FBXL3: variants seen among roughly 807,000 people sequenced by gnomAD.
The protein encoded by FBXL3 is F-box and leucine rich repeat protein 3.
Under a neutral mutation model 37.9 loss-of-function variants are expected in FBXL3, and 14 were observed. That is an observed-to-expected ratio of 0.37 (90% CI 0.24 to 0.58). FBXL3 has a LOEUF of 0.58. FBXL3 is among the 20% of genes least tolerant of loss of function. The probability of loss-of-function intolerance (pLI) is 0.74; values close to 1 mark genes in which losing one functional copy is unlikely to be tolerated. For synonymous variants in FBXL3, 194 were observed against 180.1 expected, an observed-to-expected ratio of 1.08 and a Z score of -0.62; for missense variants, 327 against 511.1, an observed-to-expected ratio of 0.64 and a Z score of 3.47.
At chr13:77,023,381 A>G (rs112871604) in intron 1 of FBXL3, among the ~76,000 whole-genome samples, 1,945 of 151,378 alleles carry the variant, frequency 0.013, 32 homozygotes, top group Admixed American at 0.046. Flanking sequence ...TGTCAGAGAG[A>G]CAGGGCAAGT....
rs753161646 is a variant in FBXL3, at chr13:77,018,739, C to G, written c.349-17G>C. ...GCTGTCCACCTTAGAAAAGAAACAC[C>G]GTTTACTCATGAATATTTTATTATT... On this transcript the variant is annotated splice_polypyrimidine_tract_variant and intron_variant, in intron 2 of 4. Coordinates refer to ENST00000355619, the MANE Select transcript of FBXL3 (RefSeq NM_012158.4). 1.3e-6 allele frequency: 2 copies of G among 1,526,280 alleles called. No homozygotes were observed. The highest frequency in any genetic ancestry group is 4.6e-5 in the Admixed American group (2 of 43,278). 94.5% of individuals were successfully genotyped at this position (1,526,280 alleles called of 1,614,324 possible).
chr13:77,018,812 T>C, intron 2 of FBXL3, 90 bp from the exon 3 acceptor site: 1 of 1,053,296 alleles, frequency 9.5e-7, no homozygotes, highest in East Asian at 2.7e-5. Context: ...TACTCATGTA[T>C]ATATTTATAT....
intron 2 of FBXL3, 85 bp from the exon 3 acceptor site, chr13:77,018,807 A>T (rs1403704804): frequency 5.4e-6 from 6 of 1,109,154 alleles, no homozygotes; most frequent in Non-Finnish European, 7.4e-6. Context: ...AAGATTACTC[A>T]TGTATATATT....
Position 77,006,952 on chromosome 13 carries a change from A to G in FBXL3, c.*193T>C, listed in dbSNP as rs2034462134. Reference sequence around the variant, plus strand: ...AATTCGGAGATATGACTGCTATTACACTAAGGAAACAAGTGGAATTTTCTG... The same window carrying G: ...AATTCGGAGATATGACTGCTATTACGCTAAGGAAACAAGTGGAATTTTCTG... On this transcript the variant is annotated 3_prime_UTR_variant, in exon 5 of 5. Transcript: ENST00000355619. The G allele has an allele frequency of 2.1e-6, 3 of 1,405,710 alleles. No homozygotes were observed. The highest frequency in any genetic ancestry group is 2.8e-6 in the Non-Finnish European group (3 of 1,084,690). 87.1% of individuals were successfully genotyped at this position (1,405,710 alleles called of 1,614,324 possible). A position where few individuals can be genotyped will look rare whatever the true frequency, so the allele number is the denominator to read the frequency against.
chr13:77,022,190 T>C (rs1477402762), intron 1 of FBXL3, among the ~76,000 whole-genome samples: 1 of 152,180 alleles, frequency 6.6e-6, no homozygotes, highest in Admixed American at 6.6e-5. Context: ...TCAACTTAAC[T>C]AAAATGAATA....
chr13:77,024,485 G>C (rs2034803027), intron 1 of FBXL3, among the ~76,000 whole-genome samples: 1 of 152,140 alleles, frequency 6.6e-6, no homozygotes, highest in Non-Finnish European at 1.5e-5. Context: ...ACAACTTAAA[G>C]ACGGAATGAT....
At chr13:77,020,555 G>A (rs1383477955) in intron 2 of FBXL3, among the ~76,000 whole-genome samples, 2 of 151,076 alleles carry the variant, frequency 1.3e-5, no homozygotes, top group East Asian at 4.0e-4. Flanking sequence ...GGTTTAGCCT[G>A]GACTATTCAG....
chr13:77,008,167 G>A (rs918765351), intron 4 of FBXL3, among the ~76,000 whole-genome samples: 2 of 152,056 alleles, frequency 1.3e-5, no homozygotes, highest in African/African-American at 4.8e-5. Flanking sequence ...CTGTGACGGA[G>A]GCCAAAGGAC....
At chr13:77,011,592 G>A (rs989412390) in intron 4 of FBXL3, among the ~76,000 whole-genome samples, 3 of 151,854 alleles carry the variant, frequency 2.0e-5, no homozygotes, top group East Asian at 1.9e-4. Context: ...GCATAATGGC[G>A]TATGCCTGTG....
At chr13:77,017,294 T>C (rs1468089782) in intron 3 of FBXL3, 1 of 152,222 alleles carries the variant, frequency 6.6e-6, no homozygotes, top group Non-Finnish European at 1.5e-5. Context: ...AATTAAATTA[T>C]GTTCAACATA....
Position 77,021,728 on chromosome 13 carries a change from G to A in FBXL3, c.133C>T (p.Leu45Phe). 6.2e-7 allele frequency: 1 copy of A among 1,613,878 alleles called. No individual in the cohort carries two copies. Among genetic ancestry groups the A allele is most frequent in the Non-Finnish European group, 8.5e-7 (1 of 1,180,020 alleles). Residue 45 changes from leucine to phenylalanine, a missense_variant, in exon 2 of 5, where the codon CTC becomes TTC. Transcript: ENST00000355619. ...AGAGGCAAATATTTAAATACTTGGA[G>A]AATAATGTCCTGAAGGAGATTACCC... ...DWGNLLQDII[L>F]QVFKYLPLLD...
intron 3 of FBXL3, 83 bp from the exon 4 acceptor site, chr13:77,015,663 C>A (rs1348978855): frequency 2.3e-6 from 2 of 876,312 alleles, no homozygotes; most frequent in Non-Finnish European, 3.2e-6. Flanking sequence ...TACAGTTTAT[C>A]TGAACCATAA....
At chr13:77,010,445 T>C (rs1025432831) in intron 4 of FBXL3, 3 of 152,132 alleles carry the variant, frequency 2.0e-5, no homozygotes, top group Admixed American at 6.5e-5. Context: ...GATTATGATA[T>C]ATGGTACAGC....
At chr13:77,017,316 G>C (rs906794942) in intron 3 of FBXL3, 2 of 152,020 alleles carry the variant, frequency 1.3e-5, no homozygotes, top group Admixed American at 6.6e-5. Flanking sequence ...CCTTTAATAT[G>C]GTATACATAC....
chr13:77,007,972 T>C (rs539173516), intron 4 of FBXL3, among the ~76,000 whole-genome samples, 184 bp from the exon 5 acceptor site: 2 of 152,338 alleles, frequency 1.3e-5, no homozygotes, highest in South Asian at 4.1e-4. Context: ...ACTAATTTTG[T>C]CTACAAGAAA....
At position 77,007,398 on chromosome 13, in the gene FBXL3, C is replaced by T. The variant is rs762998083; in HGVS notation, c.1034G>A (p.Arg345Gln). 3.1e-6 allele frequency: 5 copies of T among 1,614,036 alleles called. No individual in the cohort carries two copies. The highest frequency in any genetic ancestry group is 2.2e-5 in the East Asian group (1 of 44,886). ...VELVVCANGL[R>Q]PLDEELIRIA... Reference sequence around the variant, plus strand: ...GCGAATTAACTCTTCATCAAGTGGCCGTAATCCATTTGCACACACTACTAG... The same window carrying T: ...GCGAATTAACTCTTCATCAAGTGGCTGTAATCCATTTGCACACACTACTAG... The change falls in exon 5 of 5, where the codon CGG becomes CAG. Residue 345 changes from arginine (R) to glutamine (Q), a missense_variant. Coordinates refer to ENST00000355619, the MANE Select transcript of FBXL3 (RefSeq NM_012158.4).
Position 77,015,588 on chromosome 13 carries a change from G to T in FBXL3, c.472-8C>A. ...TGCAGAGATAAAGTGAGACTGAAAA[G>T]CAAAAAAAATAAAATAAAAATTATT... is the stretch of plus-strand genomic sequence containing the variant. On this transcript the variant is annotated splice_polypyrimidine_tract_variant and splice_region_variant and intron_variant, in intron 3 of 4. Transcript: ENST00000355619. 1.3e-6 allele frequency: 2 copies of T among 1,489,016 alleles called. No individual in the cohort carries two copies. Among genetic ancestry groups the T allele is most frequent in the East Asian group, 2.5e-5 (1 of 40,776 alleles). The allele number at this position is 1,489,016 out of a possible 1,614,324, so 92.2% of individuals were successfully genotyped here. A position where few individuals can be genotyped will look rare whatever the true frequency, so the allele number is the denominator to read the frequency against.
Position 77,007,587 on chromosome 13 carries a change from C to A in FBXL3, c.845G>T (p.Arg282Ile). ...CACTAAGTTCACTTTGGGTGAATGT[C>A]TGATGAAAGCATCCCAGCTACTCTT... ...IQKSSWDAFI[R>I]HSPKVNLVMY... The change falls in exon 5 of 5, where the codon AGA becomes ATA. Residue 282 changes from arginine (R) to isoleucine (I), a missense_variant. Arg to Ile is a moderately conservative substitution (Grantham distance 97, BLOSUM62 -3). Coordinates refer to ENST00000355619, the MANE Select transcript of FBXL3 (RefSeq NM_012158.4). 1.2e-6 allele frequency: 2 copies of A among 1,614,126 alleles called. No homozygotes were observed. The highest frequency in any genetic ancestry group is 1.7e-6 in the Non-Finnish European group (2 of 1,180,018).
chr13:77,022,504 C>T (rs1324601769), intron 1 of FBXL3, among the ~76,000 whole-genome samples: 1 of 152,158 alleles, frequency 6.6e-6, no homozygotes, highest in Non-Finnish European at 1.5e-5. Context: ...TTGTGCGCTC[C>T]TTATGAGACT....
Sources: gnomAD v4.1 joint callset for allele counts (sites outside exome capture counted in the v4.1 genomes callset) on GRCh38, gnomAD v4.1.1 for gene constraint, MANE v1.5 for transcripts, NCBI Gene and HGNC (gene_info 2026-07-23, HGNC 2026-07-21) for gene names.